ARL15: variants seen among roughly 807,000 people sequenced by gnomAD.
ARL15 encodes the protein ADP-ribosylation factor-like protein 15.
A neutral mutation model predicts 25.2 loss-of-function variants in ARL15; 19 were observed. The observed-to-expected ratio is 0.75, with a 90% CI of 0.53 to 1.10. The LOEUF is 1.10. ARL15 is among the 50% of genes least tolerant of loss of function. The probability of loss-of-function intolerance (pLI) is 0.00; values close to 1 mark genes in which losing one functional copy is unlikely to be tolerated. For missense variants in ARL15, 220 were observed against 246.0 expected, an observed-to-expected ratio of 0.89 and a Z score of 0.71; for synonymous variants, 94 against 86.8, an observed-to-expected ratio of 1.08 and a Z score of -0.46.
intron 4 of ARL15, among the ~76,000 whole-genome samples, chr5:53,909,725 A>G (rs1344633680): frequency 6.6e-6 from 1 of 152,022 alleles, no homozygotes; most frequent in Non-Finnish European, 1.5e-5. Flanking sequence ...AAATAATAAT[A>G]AAATAAAACA....
At chr5:54,029,327 C>T (rs867027087) in intron 4 of ARL15, among the ~76,000 whole-genome samples, 5,210 of 111,816 alleles carry the variant, frequency 0.047, 357 homozygotes, top group African/African-American at 0.2. Flanking sequence ...CCACCACCAC[C>T]ACCACTACCA....
At chr5:54,091,580 T>C (rs960551081) in intron 4 of ARL15, among the ~76,000 whole-genome samples, 6 of 152,120 alleles carry the variant, frequency 3.9e-5, no homozygotes, top group African/African-American at 7.2e-5. Flanking sequence ...AGCAACCCAG[T>C]TGTGGGCCTT....
intron 1 of ARL15, among the ~76,000 whole-genome samples, chr5:54,259,926 T>C (rs1443204917): frequency 6.6e-6 from 1 of 152,198 alleles, no homozygotes; most frequent in Non-Finnish European, 1.5e-5. Context: ...GAATTTCCAC[T>C]ACTTTTAGTG....
intron 3 of ARL15, among the ~76,000 whole-genome samples, chr5:54,149,780 T>C (rs1754009309): frequency 6.6e-6 from 1 of 152,168 alleles, no homozygotes; most frequent in Non-Finnish European, 1.5e-5. Context: ...TTAGGTATCT[T>C]GTACAATATC....
intron 3 of ARL15, among the ~76,000 whole-genome samples, chr5:54,143,357 T>G (rs561532645): frequency 1.3e-5 from 2 of 152,168 alleles, no homozygotes; most frequent in East Asian, 3.9e-4. Flanking sequence ...TTAGTCTATT[T>G]AATGATCTTT....
intron 4 of ARL15, among the ~76,000 whole-genome samples, chr5:53,918,795 T>C (rs1293588332): frequency 4.0e-5 from 6 of 151,524 alleles, no homozygotes; most frequent in African/African-American, 1.5e-4. Context: ...AGAGGAGATT[T>C]TGAAATATAT....
At chr5:54,010,733 C>T (rs779826565) in intron 4 of ARL15, among the ~76,000 whole-genome samples, 2 of 152,024 alleles carry the variant, frequency 1.3e-5, no homozygotes, top group Non-Finnish European at 2.9e-5. Context: ...AAAATCAGGC[C>T]GGGGGCGGTG....
intron 1 of ARL15, among the ~76,000 whole-genome samples, chr5:54,230,461 C>T (rs553059913): frequency 6.6e-6 from 1 of 152,156 alleles, no homozygotes; most frequent in African/African-American, 2.4e-5. Context: ...AATGGCCTTT[C>T]CCAACCACCA....
At chr5:53,900,548 A>AC (rs3839232) in intron 4 of ARL15, among the ~76,000 whole-genome samples, 141,688 of 151,122 alleles carry the variant, frequency 0.94, 67,019 homozygotes, top group Non-Finnish European at 1. Context: ...GAGGGCACAG[A>AC]AATGAAAAAA....
Position 53,922,761 on chromosome 5 carries a change from C to T in ARL15, c.463-36048G>A, listed in dbSNP as rs190045483. Among the ~76,000 whole-genome samples, 8 of 152,284 alleles carry T rather than the reference C, an allele frequency of 5.3e-5. No individual in the cohort carries two copies. The East Asian group carries it at 1.5e-3, about 29-fold the overall frequency. ...TTGCTTGACTTGTGAACAACAGCTC[C>T]ATAGGAAAAGGACAGCCACTTTTCC... is the stretch of plus-strand genomic sequence containing the variant. On this transcript the variant is annotated intron_variant, in intron 4 of 4. Coordinates refer to ENST00000504924, the MANE Select transcript of ARL15 (RefSeq NM_019087.3).
intron 4 of ARL15, among the ~76,000 whole-genome samples, chr5:54,089,246 T>C (rs984230451): frequency 2.0e-5 from 3 of 152,218 alleles, no homozygotes; most frequent in Admixed American, 1.3e-4. Flanking sequence ...GTGGCATCTA[T>C]TAACTTTTCT....
intron 2 of ARL15, among the ~76,000 whole-genome samples, chr5:54,163,850 TA>T (rs759552746): frequency 3.9e-5 from 6 of 152,162 alleles, no homozygotes; most frequent in South Asian, 2.1e-4. Context: ...CTCAAAGAAC[TA>T]GCTTTTGGTT....
chr5:54,190,409 T>C (rs1183291840), intron 1 of ARL15, among the ~76,000 whole-genome samples: 1 of 151,034 alleles, frequency 6.6e-6, no homozygotes, highest in African/African-American at 2.4e-5. Flanking sequence ...AAAAAAAAAA[T>C]TACAGTGAGA....
chr5:53,932,449 T>A (rs1194604891), intron 4 of ARL15, among the ~76,000 whole-genome samples: 2 of 152,164 alleles, frequency 1.3e-5, no homozygotes, highest in African/African-American at 4.8e-5. Context: ...AAAGACCAGT[T>A]ACAAAATGGA....
chr5:54,161,179 T>C (rs1754391418), intron 2 of ARL15, among the ~76,000 whole-genome samples: 1 of 152,174 alleles, frequency 6.6e-6, no homozygotes, highest in Non-Finnish European at 1.5e-5. Flanking sequence ...AACTCCCTTG[T>C]TGTATGGCAT....
At chr5:54,100,044 T>C (rs1283644541) in intron 4 of ARL15, among the ~76,000 whole-genome samples, 1 of 152,100 alleles carries the variant, frequency 6.6e-6, no homozygotes, top group Non-Finnish European at 1.5e-5. Flanking sequence ...TGAGAAATGC[T>C]TGCATATACA....
chr5:53,944,440 A>T (rs1417998137), intron 4 of ARL15, among the ~76,000 whole-genome samples: 3 of 151,972 alleles, frequency 2.0e-5, no homozygotes, highest in Non-Finnish European at 4.4e-5. Flanking sequence ...GTGAAACTTC[A>T]TCTCTACAAA....
rs115129548 is a variant in ARL15 at position 54,059,366 on chromosome 5, C to A, written c.462+53836G>T. ...ACCTTGAGAATACAAAGTGATCAAC[C>A]AGAACTCATCTTGTGGGTCCTCTGG... On this transcript the variant is annotated intron_variant, in intron 4 of 4. Coordinates refer to ENST00000504924, the MANE Select transcript of ARL15 (RefSeq NM_019087.3). Among the ~76,000 whole-genome samples, 814 of 152,294 alleles carry A rather than the reference C, an allele frequency of 5.3e-3. 6 individuals are homozygous for A. Among genetic ancestry groups the A allele is most frequent in the African/African-American group, 0.019 (788 of 41,564 alleles).
intron 4 of ARL15, among the ~76,000 whole-genome samples, chr5:53,893,122 T>C (rs1362240310): frequency 2.0e-5 from 3 of 152,056 alleles, no homozygotes; most frequent in Admixed American, 1.3e-4. Flanking sequence ...AATATTTGCA[T>C]TGAAATTTTT....
Sources: gnomAD v4.1 joint callset for allele counts (sites outside exome capture counted in the v4.1 genomes callset) on GRCh38, gnomAD v4.1.1 for gene constraint, MANE v1.5 for transcripts, NCBI Gene and HGNC (gene_info 2026-07-23, HGNC 2026-07-21) for gene names.